MC1R: variants seen among roughly 807,000 people sequenced by gnomAD.
MC1R encodes the protein melanocyte-stimulating hormone receptor.
For missense variants in MC1R, 542 were observed against 430.0 expected (o/e 1.26, Z -2.30); for synonymous variants, 263 against 203.8 (o/e 1.29, Z -2.47).
chr16:89,920,710 A>G lies in MC1R; in HGVS notation c.*498A>G. The G allele has an allele frequency of 1.4e-6, 1 of 716,882 alleles. No individual in the cohort carries two copies. Among genetic ancestry groups the G allele is most frequent in the Non-Finnish European group, 2.6e-6 (1 of 384,892 alleles). The allele number at this position is 716,882 out of a possible 1,614,324, so 44.4% of individuals were successfully genotyped here. A position where few individuals can be genotyped will look rare whatever the true frequency, so the allele number is the denominator to read the frequency against. On this transcript the variant is annotated 3_prime_UTR_variant, in exon 1 of 1. Transcript: ENST00000555147. ...TTTGTGACCAGAAAGCTTCATCCAC[A>G]GCCTTGCAGCGGCTCCTGCAAAAGG...
At position 89,919,346 on chromosome 16, in the gene MC1R, C is replaced by T. The variant is rs756579024; in HGVS notation, c.88C>T (p.Gln30Ter). The change falls in exon 1 of 1, where the codon CAG (glutamine) becomes TAG (stop). Residue 30 changes from glutamine (Q) to a stop codon, truncating the protein, a stop_gained. Transcript: ENST00000555147. LOFTEE classifies it low-confidence loss of function (END_TRUNC). ...CCCCCAGCTGGGGCTGGCTGCCAAC[C>T]AGACAGGAGCCCGGTGCCTGGAGGT... is the stretch of plus-strand genomic sequence containing the variant. ...AIPQLGLAAN[Q>*]TGARCLEVSI... 17 of 1,612,864 alleles carry T rather than the reference C, an allele frequency of 1.1e-5. No individual in the cohort carries two copies. The highest frequency in any genetic ancestry group is 6.7e-5 in the Admixed American group (4 of 59,956).
rs200051702 is a variant in MC1R at position 89,919,983 on chromosome 16, C to T, written c.725C>T (p.Thr242Ile). Residue 242 changes from threonine (T) to isoleucine (I), a missense_variant, in exon 1 of 1, where the codon ACC becomes ATC. Thr to Ile is a moderately conservative substitution (Grantham distance 89, BLOSUM62 -1). Coordinates refer to ENST00000555147, the MANE Select transcript of MC1R (RefSeq NM_002386.4). ...GGCTTTGGCCTTAAAGGCGCTGTCACCCTCACCATCCTGCTGGGCATTTTC... is the reference window on the plus strand; with the variant it reads ...GGCTTTGGCCTTAAAGGCGCTGTCATCCTCACCATCCTGCTGGGCATTTTC... ...HQGFGLKGAVTLTILLGIFFL... is the reference protein window; with the variant it reads ...HQGFGLKGAVILTILLGIFFL... 1.0e-4 allele frequency: 161 copies of T among 1,613,162 alleles called. No homozygotes were observed. Among genetic ancestry groups the T allele is most frequent in the Non-Finnish European group, 1.3e-4 (149 of 1,179,892 alleles).
Position 89,920,288 on chromosome 16 carries a change from C to T in MC1R, c.*76C>T, listed in dbSNP as rs545888975. ...TGTGTGGTCTGGTTCCTGTGTGACC[C>T]TGGGCAGTTCCTTACCTCCCTGGTC... On this transcript the variant is annotated 3_prime_UTR_variant, in exon 1 of 1. Coordinates refer to ENST00000555147, the MANE Select transcript of MC1R (RefSeq NM_002386.4). 3.6e-4 allele frequency: 453 copies of T among 1,267,172 alleles called. 10 individuals carry two copies. In the South Asian group the frequency reaches 5.7e-3, roughly 16 times the overall value. The allele number at this position is 1,267,172 out of a possible 1,614,324, so 78.5% of individuals were successfully genotyped here. A position where few individuals can be genotyped will look rare whatever the true frequency, so the allele number is the denominator to read the frequency against.
chr16:89,919,682 C>A lies in MC1R; in HGVS notation c.424C>A (p.Arg142Ser), dbSNP rs752927306. ...LCFLGAIAVD[R>S]YISIFYALRY... Reference sequence around the variant, plus strand: ...CTTCCTGGGCGCCATCGCCGTGGACCGCTACATCTCCATCTTCTACGCACT... The same window carrying A: ...CTTCCTGGGCGCCATCGCCGTGGACAGCTACATCTCCATCTTCTACGCACT... The change falls in exon 1 of 1, where the codon CGC becomes AGC. Residue 142 changes from arginine (R) to serine (S), a missense_variant. By Grantham distance (110) the Arg-to-Ser change is moderately radical. Transcript: ENST00000555147. The A allele has an allele frequency of 6.8e-6, 11 of 1,606,044 alleles. No individual in the cohort carries two copies. The highest frequency in any genetic ancestry group is 7.6e-6 in the Non-Finnish European group (9 of 1,179,506).
rs779593625 is a variant in MC1R, at chr16:89,919,734, C to T, written c.476C>T (p.Pro159Leu). 3.9e-5 allele frequency: 63 copies of T among 1,606,154 alleles called. No individual in the cohort carries two copies. Among genetic ancestry groups the T allele is most frequent in the East Asian group, 1.1e-4 (5 of 44,880 alleles). Residue 159 changes from proline (P) to leucine (L), a missense_variant, in exon 1 of 1, where the codon CCG becomes CTG. Coordinates refer to ENST00000555147, the MANE Select transcript of MC1R (RefSeq NM_002386.4). ...CGCTACCACAGCATCGTGACCCTGC[C>T]GCGGGCGCGGCGAGCCGTTGCGGCC... Reference protein sequence around the residue: ...ALRYHSIVTLPRARRAVAAIW... With the variant: ...ALRYHSIVTLLRARRAVAAIW...
At position 89,920,751 on chromosome 16, in the gene MC1R, C is replaced by T; in HGVS notation, c.*539C>T. The T allele has an allele frequency of 1.4e-6, 1 of 713,060 alleles. No homozygotes were observed. The highest frequency in any genetic ancestry group is 2.6e-6 in the Non-Finnish European group (1 of 382,926). 44.2% of individuals were successfully genotyped at this position (713,060 alleles called of 1,614,324 possible). A position where few individuals can be genotyped will look rare whatever the true frequency, so the allele number is the denominator to read the frequency against. ...CTGCAAAAGGAGGTGAAATCCCTGCCTCAGGCCAAGGGACCAGGTTTGCAG... is the reference window on the plus strand; with the variant it reads ...CTGCAAAAGGAGGTGAAATCCCTGCTTCAGGCCAAGGGACCAGGTTTGCAG... On this transcript the variant is annotated 3_prime_UTR_variant, in exon 1 of 1. Coordinates refer to ENST00000555147, the MANE Select transcript of MC1R (RefSeq NM_002386.4).
In MC1R at chr16:89,919,828, G is replaced by A. The variant is rs2144392429; in HGVS notation, c.570G>A (p.Leu190=). The A allele has an allele frequency of 3.1e-6, 5 of 1,607,020 alleles. No homozygotes were observed. The highest frequency in any genetic ancestry group is 2.2e-5 in the East Asian group (1 of 44,866). Residue 190 remains leucine, a synonymous_variant, in exon 1 of 1, where the codon CTG becomes CTA. Coordinates refer to ENST00000555147, the MANE Select transcript of MC1R (RefSeq NM_002386.4). ...IAYYDHVAVL[L]CLVVFFLAML... ...ACTACGACCACGTGGCCGTCCTGCT[G>A]TGCCTCGTGGTCTTCTTCCTGGCTA...
chr16:89,919,042 G>A lies in MC1R; in HGVS notation c.-217G>A, dbSNP rs938403777. 6 of 566,448 alleles carry A rather than the reference G, an allele frequency of 1.1e-5. No homozygotes were observed. In the Admixed American group the frequency reaches 1.3e-4, roughly 12 times the overall value. 35.1% of individuals were successfully genotyped at this position (566,448 alleles called of 1,614,324 possible). On this transcript the variant is annotated 5_prime_UTR_variant, in exon 1 of 1. Transcript: ENST00000555147. ...CCTGAGCCCAGGCGGTAGATGCCAG[G>A]AGGTGTCTGGACTGGCTGGGCCATG... is the stretch of plus-strand genomic sequence containing the variant.
chr16:89,919,736 C>T lies in MC1R; in HGVS notation c.478C>T (p.Arg160Trp), dbSNP rs1805008. Reference protein sequence around the residue: ...LRYHSIVTLPRARRAVAAIWV... With the variant: ...LRYHSIVTLPWARRAVAAIWV... Reference sequence around the variant, plus strand: ...CTACCACAGCATCGTGACCCTGCCGCGGGCGCGGCGAGCCGTTGCGGCCAT... The same window carrying T: ...CTACCACAGCATCGTGACCCTGCCGTGGGCGCGGCGAGCCGTTGCGGCCAT... Residue 160 changes from arginine (R) to tryptophan (W), a missense_variant, in exon 1 of 1, where the codon CGG becomes TGG. Transcript: ENST00000555147. The T allele has an allele frequency of 0.068, 109,959 of 1,606,068 alleles. 4,568 individuals are homozygous for T. The highest frequency in any genetic ancestry group is 0.084 in the Non-Finnish European group (99,026 of 1,179,788).
Position 89,919,667 on chromosome 16 carries a change from G to A in MC1R, c.409G>A (p.Ala137Thr), listed in dbSNP as rs1484000912. 6 of 1,606,148 alleles carry A rather than the reference G, an allele frequency of 3.7e-6. No homozygotes were observed. The highest frequency in any genetic ancestry group is 2.2e-5 in the East Asian group (1 of 44,866). ...GCTGTCCAGCCTCTGCTTCCTGGGCGCCATCGCCGTGGACCGCTACATCTC... is the reference window on the plus strand; with the variant it reads ...GCTGTCCAGCCTCTGCTTCCTGGGCACCATCGCCGTGGACCGCTACATCTC... ...SMLSSLCFLGAIAVDRYISIF... is the reference protein window; with the variant it reads ...SMLSSLCFLGTIAVDRYISIF... Residue 137 changes from alanine to threonine, a missense_variant, in exon 1 of 1, where the codon GCC becomes ACC. Ala to Thr is a moderately conservative substitution (Grantham distance 58). Transcript: ENST00000555147.
Position 89,919,606 on chromosome 16 carries a change from G to A in MC1R, c.348G>A (p.Leu116=), listed in dbSNP as rs560412301. ...LVARAAVLQQ[L]DNVIDVITCS... ...CCCGGGCTGCGGTGCTGCAGCAGCT[G>A]GACAATGTCATTGACGTGATCACCT... The change falls in exon 1 of 1, where the codon CTG becomes CTA. Residue 116 remains leucine, a synonymous_variant. Coordinates refer to ENST00000555147, the MANE Select transcript of MC1R (RefSeq NM_002386.4). The A allele has an allele frequency of 2.5e-6, 4 of 1,608,756 alleles. No homozygotes were observed. The highest frequency in any genetic ancestry group is 2.2e-5 in the South Asian group (2 of 91,090).
rs575607312 is a variant in MC1R at position 89,920,166 on chromosome 16, A to G, written c.908A>G (p.Gln303Arg). The change falls in exon 1 of 1, where the codon CAG becomes CGG. Residue 303 changes from glutamine (Q) to arginine (R), a missense_variant. Coordinates refer to ENST00000555147, the MANE Select transcript of MC1R (RefSeq NM_002386.4). ...CCCCTCATCTACGCCTTCCACAGCC[A>G]GGAGCTCCGCAGGACGCTCAAGGAG... ...IDPLIYAFHS[Q>R]ELRRTLKEVL... 1.2e-6 allele frequency: 2 copies of G among 1,614,038 alleles called. No homozygotes were observed. Among genetic ancestry groups the G allele is most frequent in the African/African-American group, 1.3e-5 (1 of 75,078 alleles).
chr16:89,919,441 C>T lies in MC1R; in HGVS notation c.183C>T (p.Ala61=). The change falls in exon 1 of 1, where the codon GCC becomes GCT. Residue 61 remains alanine, a synonymous_variant. Transcript: ENST00000555147. ...VSLVENALVV[A]TIAKNRNLHS... is the part of the protein sequence containing the mutation. ...TGGTGGAGAACGCGCTGGTGGTGGC[C>T]ACCATCGCCAAGAACCGGAACCTGC... 6.2e-7 allele frequency: 1 copy of T among 1,613,222 alleles called. No individual in the cohort carries two copies. The highest frequency in any genetic ancestry group is 8.5e-7 in the Non-Finnish European group (1 of 1,179,872).
Position 89,919,743 on chromosome 16 carries a change from G to A in MC1R, c.485G>A (p.Arg162Gln), listed in dbSNP as rs759569604. Reference protein sequence around the residue: ...YHSIVTLPRARRAVAAIWVAS... With the variant: ...YHSIVTLPRAQRAVAAIWVAS... ...AGCATCGTGACCCTGCCGCGGGCGC[G>A]GCGAGCCGTTGCGGCCATCTGGGTG... The change falls in exon 1 of 1, where the codon CGG becomes CAG. Residue 162 changes from arginine to glutamine, a missense_variant. Coordinates refer to ENST00000555147, the MANE Select transcript of MC1R (RefSeq NM_002386.4). The A allele has an allele frequency of 1.4e-5, 22 of 1,606,694 alleles. No individual in the cohort carries two copies. The highest frequency in any genetic ancestry group is 6.7e-5 in the African/African-American group (5 of 74,938).
Position 89,920,323 on chromosome 16 carries a change from CAAAGAGG to C in MC1R, c.*113_*119del. 1 of 902,156 alleles carries C rather than the reference CAAAGAGG, an allele frequency of 1.1e-6. No homozygotes were observed. The highest frequency in any genetic ancestry group is 1.7e-6 in the Non-Finnish European group (1 of 577,998). The allele number at this position is 902,156 out of a possible 1,614,324, so 55.9% of individuals were successfully genotyped here. A position where few individuals can be genotyped will look rare whatever the true frequency, so the allele number is the denominator to read the frequency against. Reference sequence around the variant, plus strand: ...CCTTACCTCCCTGGTCCCCGTTTGTCAAAGAGGATGGACTAAATGATCTCTGAAAGTG... The same window carrying C: ...CCTTACCTCCCTGGTCCCCGTTTGTCATGGACTAAATGATCTCTGAAAGTG... On this transcript the variant is annotated 3_prime_UTR_variant, in exon 1 of 1. Coordinates refer to ENST00000555147, the MANE Select transcript of MC1R (RefSeq NM_002386.4).
In MC1R at chr16:89,920,839, C is replaced by A; in HGVS notation, c.*627C>A. 1 of 602,742 alleles carries A rather than the reference C, an allele frequency of 1.7e-6. No individual in the cohort carries two copies. Among genetic ancestry groups the A allele is most frequent in the South Asian group, 2.1e-5 (1 of 48,592 alleles). 37.3% of individuals were successfully genotyped at this position (602,742 alleles called of 1,614,324 possible). On this transcript the variant is annotated 3_prime_UTR_variant, in exon 1 of 1. Transcript: ENST00000555147. ...GGCCGGTTCTAAGGCTCAGACTGGG[C>A]ACTGGGGCCTCAGCCTGCTTTCCTG... is the stretch of plus-strand genomic sequence containing the variant.
rs200965363 is a variant in MC1R at position 89,919,910 on chromosome 16, G to A, written c.652G>A (p.Ala218Thr). 4.0e-4 allele frequency: 643 copies of A among 1,608,156 alleles called. 2 individuals are homozygous for A. Among genetic ancestry groups the A allele is most frequent in the Middle Eastern group, 6.6e-4 (4 of 6,060 alleles). The stretch of plus-strand genomic sequence containing the variant: ...CATGCTGGCCCGGGCCTGCCAGCAC[G>A]CCCAGGGCATCGCCCGGCTCCACAA... ...VHMLARACQHAQGIARLHKRQ... is the reference protein window; with the variant it reads ...VHMLARACQHTQGIARLHKRQ... The change falls in exon 1 of 1, where the codon GCC (alanine) becomes ACC (threonine). Residue 218 changes from alanine (A) to threonine (T), a missense_variant. Ala to Thr is a moderately conservative substitution (Grantham distance 58, BLOSUM62 0). Coordinates refer to ENST00000555147, the MANE Select transcript of MC1R (RefSeq NM_002386.4).
rs3212363 is a variant in MC1R, at chr16:89,919,033, A to T, written c.-226A>T. On this transcript the variant is annotated 5_prime_UTR_variant, in exon 1 of 1. Coordinates refer to ENST00000555147, the MANE Select transcript of MC1R (RefSeq NM_002386.4). ...GTGAGAATCCCTGAGCCCAGGCGGT[A>T]GATGCCAGGAGGTGTCTGGACTGGC... is the stretch of plus-strand genomic sequence containing the variant. The T allele has an allele frequency of 0.35, 194,324 of 551,120 alleles. 40,709 individuals are homozygous for T. Among genetic ancestry groups the T allele is most frequent in the East Asian group, 0.73 (25,105 of 34,388 alleles). 34.1% of individuals were successfully genotyped at this position (551,120 alleles called of 1,614,324 possible).
At position 89,920,410 on chromosome 16, in the gene MC1R, G is replaced by A; in HGVS notation, c.*198G>A. ...AGGGGTCCCTGCAAAACTCCAGGCA[G>A]GACTTCTCACCAGCAGTCGTGGGGA... On this transcript the variant is annotated 3_prime_UTR_variant, in exon 1 of 1. Transcript: ENST00000555147. 1 of 624,926 alleles carries A rather than the reference G, an allele frequency of 1.6e-6. No individual in the cohort carries two copies. 38.7% of individuals were successfully genotyped at this position (624,926 alleles called of 1,614,324 possible). A position where few individuals can be genotyped will look rare whatever the true frequency, so the allele number is the denominator to read the frequency against.
Sources: gnomAD v4.1 joint callset for allele counts on GRCh38, gnomAD v4.1.1 for gene constraint, MANE v1.5 for transcripts, NCBI Gene and HGNC (gene_info 2026-07-23, HGNC 2026-07-21) for gene names.